Variants in CLVS1 observed in about 807,000 individuals in gnomAD.
The protein encoded by CLVS1 is clavesin-1.
CLVS1 carries 10 observed loss-of-function variants against 33.1 expected under a neutral mutation model. The observed-to-expected ratio is 0.30, with a 90% CI of 0.19 to 0.51. CLVS1 has a LOEUF of 0.51. CLVS1 is among the 20% of genes least tolerant of loss of function. CLVS1 has a pLI of 0.97. For missense variants in CLVS1, 343 were observed against 433.4 expected, an observed-to-expected ratio of 0.79 and a Z score of 1.85; for synonymous variants, 163 against 166.1, an observed-to-expected ratio of 0.98 and a Z score of 0.14.
At chr8:60,995,646 G>A in the CLVS1 span, among the ~76,000 whole-genome samples, 2 of 152,186 alleles carry the variant, frequency 1.3e-5, no homozygotes, top group African/African-American at 2.4e-5. Flanking sequence ...ATTTGACCCA[G>A]CCATCCCATT....
chr8:61,346,368 C>T (rs1812219551), intron 2 of CLVS1, among the ~76,000 whole-genome samples: 1 of 152,018 alleles, frequency 6.6e-6, no homozygotes, highest in Non-Finnish European at 1.5e-5. Flanking sequence ...TCTGAAAGAG[C>T]AAGGAGACTT....
chr8:61,039,484 G>A, the CLVS1 span, among the ~76,000 whole-genome samples: 2 of 152,026 alleles, frequency 1.3e-5, no homozygotes, highest in South Asian at 2.1e-4. Flanking sequence ...CATGGCAAGG[G>A]TTTCCACCGG....
At chr8:61,367,365 C>T (rs1813252886) in intron 2 of CLVS1, among the ~76,000 whole-genome samples, 1 of 152,190 alleles carries the variant, frequency 6.6e-6, no homozygotes. Flanking sequence ...TCCTTCAATA[C>T]ATGGTGTCTA....
chr8:61,291,319 A>T (rs1809982802), intron 1 of CLVS1, among the ~76,000 whole-genome samples: 1 of 152,158 alleles, frequency 6.6e-6, no homozygotes, highest in Admixed American at 6.5e-5. Context: ...ATTTCTCCAC[A>T]TGTGTTTGAG....
intron 3 of CLVS1, among the ~76,000 whole-genome samples, chr8:61,437,778 T>A (rs953419743): frequency 6.6e-6 from 1 of 152,216 alleles, no homozygotes; most frequent in Non-Finnish European, 1.5e-5. Context: ...TAACTTGGAT[T>A]TGAGATGGGA....
At position 61,288,073 on chromosome 8, in the gene CLVS1, C is replaced by T; in HGVS notation, c.-217C>T. On this transcript the variant is annotated 5_prime_UTR_variant, in exon 1 of 6. Coordinates refer to ENST00000325897, the MANE Select transcript of CLVS1 (RefSeq NM_173519.3). ...TGCCAGAATAGGGGATCTCACCCACCCAGTTCAGCAGCGAGGACACCTGCA... is the reference window on the plus strand; with the variant it reads ...TGCCAGAATAGGGGATCTCACCCACTCAGTTCAGCAGCGAGGACACCTGCA... 2.2e-6 allele frequency: 1 copy of T among 456,000 alleles called. No individual in the cohort carries two copies. The highest frequency in any genetic ancestry group is 4.4e-6 in the Non-Finnish European group (1 of 226,806). The allele number at this position is 456,000 out of a possible 1,614,324, so 28.2% of individuals were successfully genotyped here. A position where few individuals can be genotyped will look rare whatever the true frequency, so the allele number is the denominator to read the frequency against.
At position 61,400,921 on chromosome 8, in the gene CLVS1, G is replaced by A. The variant is rs113547862; in HGVS notation, c.630+24142G>A. 5.0e-3 allele frequency among the ~76,000 whole-genome samples: 767 copies of A among 152,024 alleles called. 4 individuals are homozygous for A. The highest frequency in any genetic ancestry group is 0.017 in the African/African-American group (693 of 41,482). On this transcript the variant is annotated intron_variant, in intron 3 of 5. Transcript: ENST00000325897. Reference sequence around the variant, plus strand: ...TAGATAAGCTTTTTGATGGGCTGTGGGATTCAGTTTGCCAGTATTTTGTTG... The same window carrying A: ...TAGATAAGCTTTTTGATGGGCTGTGAGATTCAGTTTGCCAGTATTTTGTTG...
At chr8:61,430,541 T>G (rs986827589) in intron 3 of CLVS1, among the ~76,000 whole-genome samples, 6 of 152,174 alleles carry the variant, frequency 3.9e-5, no homozygotes, top group African/African-American at 1.4e-4. Context: ...AAAAGCAATA[T>G]TTTCTGCACG....
intron 2 of CLVS1, among the ~76,000 whole-genome samples, chr8:61,264,092 A>G (rs1213002831): frequency 3.9e-5 from 6 of 152,144 alleles, no homozygotes; most frequent in African/African-American, 7.2e-5. Flanking sequence ...ATCAGAACAG[A>G]TACCCTCATG....
chr8:61,320,142 G>A (rs540682247), intron 2 of CLVS1, among the ~76,000 whole-genome samples: 27 of 151,898 alleles, frequency 1.8e-4, no homozygotes, highest in African/African-American at 5.5e-4. Flanking sequence ...TTAACATTCT[G>A]TCTCTACATA....
At chr8:61,264,235 T>C (rs1488994579) in intron 2 of CLVS1, among the ~76,000 whole-genome samples, 1 of 152,042 alleles carries the variant, frequency 6.6e-6, no homozygotes, top group Admixed American at 6.5e-5. Context: ...CGATGTTAAA[T>C]GCCGTCTATA....
intron 3 of CLVS1, among the ~76,000 whole-genome samples, chr8:61,433,312 T>C (rs1042425243): frequency 1.8e-4 from 28 of 152,202 alleles, no homozygotes; most frequent in African/African-American, 6.8e-4. Flanking sequence ...ATTTTACACA[T>C]GAAAAGAGTA....
chr8:61,273,301 T>C (rs1196646762), intron 2 of CLVS1, among the ~76,000 whole-genome samples: 3 of 152,212 alleles, frequency 2.0e-5, no homozygotes, highest in African/African-American at 4.8e-5. Context: ...GTTAGGTTGC[T>C]CGGGGGTCAG....
Position 61,288,136 on chromosome 8 carries a change from A to G in CLVS1, c.-154A>G, listed in dbSNP as rs1809835076. 3 of 456,156 alleles carry G rather than the reference A, an allele frequency of 6.6e-6. No homozygotes were observed. The highest frequency in any genetic ancestry group is 6.0e-5 in the African/African-American group (3 of 50,078). The allele number at this position is 456,156 out of a possible 1,614,324, so 28.3% of individuals were successfully genotyped here. A position where few individuals can be genotyped will look rare whatever the true frequency, so the allele number is the denominator to read the frequency against. On this transcript the variant is annotated splice_region_variant and 5_prime_UTR_variant, in exon 1 of 6. Transcript: ENST00000325897. ...CAAAGCAAGGCTGGGCGGCCGTGTG[A>G]AGGTATTTGTTACCTTTTTTCTCCC...
chr8:61,068,576 C>T (rs1024821317), intron 1 of CLVS1, among the ~76,000 whole-genome samples: 2 of 152,134 alleles, frequency 1.3e-5, no homozygotes, highest in Non-Finnish European at 2.9e-5. Context: ...TCAATTCCTG[C>T]TCCCCTCATT....
chr8:61,494,947 A>G (rs1804217955), intron 5 of CLVS1, among the ~76,000 whole-genome samples: 1 of 152,184 alleles, frequency 6.6e-6, no homozygotes, highest in Non-Finnish European at 1.5e-5. Context: ...TAAACCAGGA[A>G]AATAAAAAGT....
chr8:61,096,232 G>C (rs1286325016), intron 1 of CLVS1, among the ~76,000 whole-genome samples: 1 of 152,222 alleles, frequency 6.6e-6, no homozygotes, highest in East Asian at 1.9e-4. Flanking sequence ...TCGCCCTCCA[G>C]CCGCCATTGA....
intron 1 of CLVS1, among the ~76,000 whole-genome samples, chr8:61,115,849 C>A (rs1163737255): frequency 5.4e-5 from 8 of 147,494 alleles, no homozygotes; most frequent in Admixed American, 1.4e-4. Context: ...GTGCATGTGT[C>A]TTTATAGCAG....
intron 1 of CLVS1, among the ~76,000 whole-genome samples, chr8:61,127,407 C>T (rs544717420): frequency 4.6e-5 from 7 of 152,024 alleles, no homozygotes; most frequent in East Asian, 3.9e-4. Context: ...TTAGTAGAGA[C>T]GAGGTTTCAC....
Sources: allele counts gnomAD v4.1 joint callset (sites outside exome capture counted in the v4.1 genomes callset), GRCh38; gene constraint gnomAD v4.1.1; transcripts MANE v1.5; gene names NCBI Gene and HGNC (gene_info 2026-07-23, HGNC 2026-07-21).